The following RAD51B variants were observed in gnomAD, a reference collection of about 807,000 sequenced individuals.
RAD51B encodes the protein DNA repair protein RAD51 homolog 2.
In RAD51B, 38 loss-of-function variants were observed where a neutral mutation model predicts 42.2. The observed-to-expected ratio is 0.90, with a 90% confidence interval of 0.70 to 1.18. RAD51B has a LOEUF of 1.18. RAD51B is among the 50% of genes most tolerant of loss of function. RAD51B has a pLI of 0.00. For synonymous variants in RAD51B, 154 were observed against 145.2 expected (o/e 1.06, Z -0.43); for missense variants, 373 against 400.7 (o/e 0.93, Z 0.59).
intron 7 of RAD51B, among the ~76,000 whole-genome samples, chr14:68,180,689 GCTTCTCT>G (rs2140882366): frequency 6.6e-6 from 1 of 152,288 alleles, no homozygotes; most frequent in South Asian, 2.1e-4. Flanking sequence ...CTTATGATCT[GCTTCTCT>G]AAGTAGCTGG....
intron 8 of RAD51B, among the ~76,000 whole-genome samples, chr14:68,322,557 T>C (rs1258054161): frequency 6.6e-6 from 1 of 152,222 alleles, no homozygotes; most frequent in African/African-American, 2.4e-5. Context: ...GATGGTTGTG[T>C]ATCATTCCCA....
chr14:68,007,301 T>A (rs2075607192), intron 7 of RAD51B, among the ~76,000 whole-genome samples: 1 of 152,126 alleles, frequency 6.6e-6, no homozygotes, highest in African/African-American at 2.4e-5. Flanking sequence ...TTTTGTCTAT[T>A]ATCAATAGTG....
At chr14:68,340,853 T>G (rs1035808685) in intron 8 of RAD51B, among the ~76,000 whole-genome samples, 1 of 152,254 alleles carries the variant, frequency 6.6e-6, no homozygotes, top group Non-Finnish European at 1.5e-5. Flanking sequence ...AAGTAAAATA[T>G]GAAAGCAATG....
intron 10 of RAD51B, among the ~76,000 whole-genome samples, chr14:68,514,967 T>A (rs974511239): frequency 2.0e-5 from 3 of 152,196 alleles, no homozygotes; most frequent in African/African-American, 7.2e-5. Context: ...TTCTTCCCTG[T>A]CTTCTACAAA....
intron 9 of RAD51B, among the ~76,000 whole-genome samples, chr14:68,455,914 A>G (rs1815932347): frequency 6.6e-6 from 1 of 152,204 alleles, no homozygotes; most frequent in South Asian, 2.1e-4. Flanking sequence ...TGTAATTTGT[A>G]TGACAATAGT....
chr14:67,919,360 A>G (rs889531880), intron 7 of RAD51B, among the ~76,000 whole-genome samples: 1 of 152,178 alleles, frequency 6.6e-6, no homozygotes, highest in Non-Finnish European at 1.5e-5. Context: ...AAAGCAGGAC[A>G]CAGATTTACA....
At chr14:68,647,341 T>A (rs892449934) in intron 10 of RAD51B, among the ~76,000 whole-genome samples, 1 of 152,248 alleles carries the variant, frequency 6.6e-6, no homozygotes, top group African/African-American at 2.4e-5. Context: ...ACACCCTTGT[T>A]TTGTCTCTAA....
chr14:68,090,651 G>A (rs1055519448), intron 7 of RAD51B, among the ~76,000 whole-genome samples: 3 of 151,082 alleles, frequency 2.0e-5, no homozygotes, highest in Non-Finnish European at 4.4e-5. Flanking sequence ...TTTAAAAAAT[G>A]TTCATAGTCT....
chr14:68,301,128 T>C (rs1386228717), intron 8 of RAD51B, among the ~76,000 whole-genome samples: 3 of 152,082 alleles, frequency 2.0e-5, no homozygotes, highest in African/African-American at 7.2e-5. Flanking sequence ...ATGATGTTGA[T>C]TTTTTTTAAC....
chr14:68,202,636 G>A (rs1216632476), intron 7 of RAD51B, among the ~76,000 whole-genome samples: 1 of 138,608 alleles, frequency 7.2e-6, no homozygotes, highest in African/African-American at 2.7e-5. Flanking sequence ...AGGCTGGAGT[G>A]CAATGGTGTG....
chr14:68,093,527 C>G (rs561632696), intron 7 of RAD51B, among the ~76,000 whole-genome samples: 2 of 152,282 alleles, frequency 1.3e-5, no homozygotes, highest in East Asian at 3.9e-4. Context: ...GTTTGTATTT[C>G]TATGGGATCG....
chr14:67,902,361 G>A (rs17783202), intron 7 of RAD51B, among the ~76,000 whole-genome samples: 8,124 of 152,066 alleles, frequency 0.053, 497 homozygotes, highest in African/African-American at 0.15. Context: ...GAAGCACTAC[G>A]TAACTTGTTA....
chr14:68,340,043 A>G (rs2082540189), intron 8 of RAD51B, among the ~76,000 whole-genome samples: 1 of 152,256 alleles, frequency 6.6e-6, no homozygotes, highest in African/African-American at 2.4e-5. Flanking sequence ...GGAGGAATGT[A>G]ACATAGTGCC....
intron 10 of RAD51B, chr14:68,541,666 C>A (rs761020043): frequency 2.0e-6 from 2 of 985,280 alleles, no homozygotes; most frequent in Non-Finnish European, 2.4e-6. Context: ...TCCTTTGGGG[C>A]CTTGTTTGGG....
intron 10 of RAD51B, among the ~76,000 whole-genome samples, chr14:68,517,278 A>T (rs1886229469): frequency 6.6e-6 from 1 of 152,012 alleles, no homozygotes; most frequent in African/African-American, 2.4e-5. Flanking sequence ...GAGAGGGGAG[A>T]GGAGGGGAGG....
chr14:68,514,553 G>A lies in RAD51B; in HGVS notation c.1036+46303G>A, dbSNP rs533477856. On this transcript the variant is annotated intron_variant, in intron 10 of 10. Coordinates refer to the RAD51B transcript ENST00000487270. ...GGCTAAAAGTTCCTCCTGTGGGCGC[G>A]GCTCTCAGAGAGGGGCTCCCAGGCA... Among the ~76,000 whole-genome samples, 5 of 152,258 alleles carry A rather than the reference G, an allele frequency of 3.3e-5. No individual in the cohort carries two copies. The South Asian group carries it at 6.2e-4, about 19-fold the overall frequency.
At chr14:68,098,035 G>A (rs1327845150) in intron 7 of RAD51B, among the ~76,000 whole-genome samples, 1 of 152,182 alleles carries the variant, frequency 6.6e-6, no homozygotes, top group African/African-American at 2.4e-5. Flanking sequence ...GGATTCAGAT[G>A]TCTTTCCTAC....
chr14:68,376,693 T>G (rs2083377147), intron 8 of RAD51B, among the ~76,000 whole-genome samples: 1 of 152,234 alleles, frequency 6.6e-6, no homozygotes, highest in Non-Finnish European at 1.5e-5. Context: ...TCCTGGGGAC[T>G]GTCAGAGGAA....
chr14:68,600,967 T>G (rs1230175490), downstream of RAD51B, among the ~76,000 whole-genome samples: 1 of 149,248 alleles, frequency 6.7e-6, no homozygotes, highest in Admixed American at 6.7e-5. Context: ...TTCTTGTGTG[T>G]GGGTACCCGT....
Sources: allele counts gnomAD v4.1 joint callset (sites outside exome capture counted in the v4.1 genomes callset), GRCh38; gene constraint gnomAD v4.1.1; transcripts MANE v1.5; gene names NCBI Gene and HGNC (gene_info 2026-07-23, HGNC 2026-07-21).